The following CIC variants were observed in gnomAD, a reference collection of about 807,000 sequenced individuals.
The protein encoded by CIC is capicua transcriptional repressor, also known as protein capicua homolog.
Under a neutral mutation model 115.7 loss-of-function variants are expected in CIC, and 18 were observed. The observed-to-expected ratio is 0.16, with a 90% CI of 0.11 to 0.23. The LOEUF is 0.23. Among genes scored for constraint, CIC ranks in the 10% least tolerant of loss-of-function variants. CIC has a pLI of 1.00. For synonymous variants in CIC, 1,076 were observed against 923.0 expected (o/e 1.17, Z -3.01); for missense variants, 2,000 against 2,159.3 (o/e 0.93, Z 1.46).
At chr19:42,288,352 G>A (rs1167595296) in intron 7 of CIC, among the ~76,000 whole-genome samples, 1 of 152,206 alleles carries the variant, frequency 6.6e-6, no homozygotes, top group Non-Finnish European at 1.5e-5. Flanking sequence ...GAGCCAGAAT[G>A]TAAACCCCAG....
intron 2 of CIC, 110 bp from the exon 3 acceptor site, chr19:42,286,661 G>T (rs1599888851): frequency 2.9e-6 from 4 of 1,392,660 alleles, no homozygotes; most frequent in Middle Eastern, 2.4e-4. Flanking sequence ...TGTTGGGGGT[G>T]GGGGGTAGAC....
At position 42,292,711 on chromosome 19, in the gene CIC, C is replaced by T. The variant is rs1277218362; in HGVS notation, c.6048C>T (p.Pro2016=). 6.2e-7 allele frequency: 1 copy of T among 1,613,780 alleles called. No individual in the cohort carries two copies. Among genetic ancestry groups the T allele is most frequent in the East Asian group, 2.2e-5 (1 of 44,876 alleles). Residue 2016 remains proline (P), a synonymous_variant, in exon 15 of 21, where the codon CCC becomes CCT. Coordinates refer to ENST00000681038, the MANE Select transcript of CIC (RefSeq NM_001386298.1). ...SGSPAPTSSA[P]LAQPSQAPPS... ...GCCCTGCACCCACCTCCTCAGCACC[C>T]CTGGCCCAGCCATCCCAGGCCCCCC... is the stretch of plus-strand genomic sequence containing the variant.
In CIC at chr19:42,280,396, G is replaced by T. The variant is rs1393966423; in HGVS notation, c.2794+5819G>T. The stretch of plus-strand genomic sequence containing the variant: ...AGAAGCGGACTGGCACCCAGCGAGG[G>T]CCGCGCCCAGCCCCCGCTGGCACCT... On this transcript the variant is annotated intron_variant, in intron 2 of 20. Transcript: ENST00000681038. The surrounding 1 kb of genome is among the most constrained non-coding windows in gnomAD (Gnocchi z 4.9). Among the ~76,000 whole-genome samples the T allele has an allele frequency of 1.3e-5, 2 of 152,104 alleles. No individual in the cohort carries two copies. Among genetic ancestry groups the T allele is most frequent in the African/African-American group, 4.8e-5 (2 of 41,430 alleles).
Position 42,277,633 on chromosome 19 carries a change from G to A in CIC, c.2794+3056G>A, listed in dbSNP as rs4803530. ...AACAATAATACCTACTCTACTGAGC[G>A]AAGACTGTGTGCCTAACCCCGGGCT... is the stretch of plus-strand genomic sequence containing the variant. On this transcript the variant is annotated intron_variant, in intron 2 of 20. Coordinates refer to ENST00000681038, the MANE Select transcript of CIC (RefSeq NM_001386298.1). Among the ~76,000 whole-genome samples the A allele has an allele frequency of 6.6e-3, 1,000 of 152,338 alleles. 5 individuals are homozygous for A. The highest frequency in any genetic ancestry group is 0.01 in the Non-Finnish European group (681 of 68,032).
chr19:42,293,104 G>T lies in CIC; in HGVS notation c.6345G>T (p.Gln2115His), dbSNP rs1406931237. The change falls in exon 16 of 21, where the codon CAG (glutamine) becomes CAT (histidine). Residue 2115 changes from glutamine to histidine, a missense_variant. By Grantham distance (24) the Gln-to-His change is conservative (BLOSUM62 0). Transcript: ENST00000681038. ...ASGRPGPAPR[Q>H]PLEPGPVREP... ...GGCGGCCTGGCCCTGCACCCCGGCA[G>T]CCTCTGGAGCCTGGCCCAGTCCGAG... The T allele has an allele frequency of 6.2e-7, 1 of 1,609,472 alleles. No individual in the cohort carries two copies. Among genetic ancestry groups the T allele is most frequent in the African/African-American group, 1.3e-5 (1 of 75,004 alleles).
chr19:42,290,048 C>T, intron 10 of CIC, 97 bp downstream of exon 10: 1 of 1,389,998 alleles, frequency 7.2e-7, no homozygotes, highest in South Asian at 1.2e-5. Flanking sequence ...AGATTAAGGT[C>T]CAGAGAGGGC....
chr19:42,285,502 A>T (rs184531955), intron 2 of CIC, among the ~76,000 whole-genome samples: 3 of 152,090 alleles, frequency 2.0e-5, no homozygotes, highest in Non-Finnish European at 4.4e-5. Context: ...CCTGAGGTCT[A>T]CTTTTTCCTT....
chr19:42,291,728 G>A lies in CIC; in HGVS notation c.5596G>A (p.Ala1866Thr). Residue 1866 changes from alanine to threonine, a missense_variant, in exon 12 of 21, where the codon GCC (alanine) becomes ACC (threonine). Physicochemically the swap from Ala to Thr is moderately conservative, Grantham distance 58. This residue lies in a region of CIC where 1,466 missense variants were observed against 1,390.4 expected (regional missense o/e 1.05). Transcript: ENST00000681038. ...CTTCTCAGTACCTGTGCAGAATGGT[G>A]CCCAGCCCCCCAGCAAGGTGAGGGC... ...PPFSVPVQNG[A>T]QPPSKIIQLT... The A allele has an allele frequency of 6.2e-7, 1 of 1,613,008 alleles. No individual in the cohort carries two copies. The highest frequency in any genetic ancestry group is 8.5e-7 in the Non-Finnish European group (1 of 1,180,006).
chr19:42,289,434 C>T (rs2037910316), intron 9 of CIC, 28 bp downstream of exon 9: 1 of 1,553,786 alleles, frequency 6.4e-7, no homozygotes, highest in African/African-American at 1.4e-5. Flanking sequence ...CAGAATCTTG[C>T]CCAGGACCCA....
rs2038071209 is a variant in CIC, at chr19:42,291,183, A to G, written c.5142A>G (p.Pro1714=). 5.6e-6 allele frequency: 9 copies of G among 1,609,740 alleles called. No individual in the cohort carries two copies. Among genetic ancestry groups the G allele is most frequent in the Non-Finnish European group, 7.6e-6 (9 of 1,178,026 alleles). Residue 1714 remains proline, a synonymous_variant, in exon 11 of 21, where the codon CCA becomes CCG. Coordinates refer to ENST00000681038, the MANE Select transcript of CIC (RefSeq NM_001386298.1). ...GTGCTGGGAGTGGCCCCAATGGGCC[A>G]GTACCCCTGGGCATCCTGCAACCAG... ...GAGAGSGPNG[P]VPLGILQPGA...
Position 42,271,938 on chromosome 19 carries a change from C to G in CIC, c.155C>G (p.Pro52Arg), listed in dbSNP as rs2147006614. The change falls in exon 2 of 21, where the codon CCA (proline) becomes CGA (arginine). Residue 52 changes from proline to arginine, a missense_variant. By Grantham distance (103) the Pro-to-Arg change is moderately radical (BLOSUM62 -2). Around this residue, in one of 8 missense-constraint regions of CIC, gnomAD observed 222 missense variants for 247.7 expected, o/e 0.90. Coordinates refer to ENST00000681038, the MANE Select transcript of CIC (RefSeq NM_001386298.1). ...GATGACGAGGCACAGCAGCCGCAAC[C>G]ACAGTCCGGGCCCGAAGAGGCTGAG... ...EEDDEAQQPQ[P>R]QSGPEEAEEG... is the part of the protein sequence containing the mutation. 2.5e-6 allele frequency: 1 copy of G among 399,436 alleles called. No homozygotes were observed. 24.7% of individuals were successfully genotyped at this position (399,436 alleles called of 1,614,324 possible). A position where few individuals can be genotyped will look rare whatever the true frequency, so the allele number is the denominator to read the frequency against.
At position 42,292,435 on chromosome 19, in the gene CIC, C is replaced by T. The variant is rs768740940; in HGVS notation, c.5871C>T (p.Ser1957=). 2.7e-5 allele frequency: 44 copies of T among 1,610,958 alleles called. No homozygotes were observed. In the Admixed American group the frequency reaches 3.8e-4, roughly 14 times the overall value. ...VALGFTSLGP[S]GPAFVQPLLS... ...TAGGCTTCACCTCGCTGGGGCCCAGCGGCCCCGCCTTCGTGCAGCCCCTGC... is the reference window on the plus strand; with the variant it reads ...TAGGCTTCACCTCGCTGGGGCCCAGTGGCCCCGCCTTCGTGCAGCCCCTGC... The change falls in exon 14 of 21, where the codon AGC becomes AGT. Residue 1957 remains serine, a synonymous_variant. Transcript: ENST00000681038.
At chr19:42,278,012 C>A (rs1249445874) in intron 2 of CIC, among the ~76,000 whole-genome samples, 2 of 152,378 alleles carry the variant, frequency 1.3e-5, no homozygotes, top group East Asian at 3.9e-4. Flanking sequence ...CTTCTGCTGG[C>A]CCATGCCAGG....
At chr19:42,274,727 CAT>C (rs2036904107) in intron 2 of CIC, 150 bp downstream of exon 2, 1 of 397,530 alleles carries the variant, frequency 2.5e-6, no homozygotes. Context: ...TTGGAATTCA[CAT>C]GTCAGGAAAG....
In CIC at chr19:42,295,243, A is replaced by T; in HGVS notation, c.*52A>T. On this transcript the variant is annotated 3_prime_UTR_variant, in exon 21 of 21. Coordinates refer to ENST00000681038, the MANE Select transcript of CIC (RefSeq NM_001386298.1). ...TATAGTACCCCCTCAGGACATGGAC[A>T]GTATGTGGGGGCAGGAAGGTTATCT... 1 of 1,488,020 alleles carries T rather than the reference A, an allele frequency of 6.7e-7. No individual in the cohort carries two copies. The highest frequency in any genetic ancestry group is 1.2e-5 in the South Asian group (1 of 82,384). The allele number at this position is 1,488,020 out of a possible 1,614,324, so 92.2% of individuals were successfully genotyped here. A position where few individuals can be genotyped will look rare whatever the true frequency, so the allele number is the denominator to read the frequency against.
Position 42,282,895 on chromosome 19 carries a change from T to C in CIC, c.2795-3876T>C, listed in dbSNP as rs543540504. On this transcript the variant is annotated intron_variant, in intron 2 of 20. Coordinates refer to ENST00000681038, the MANE Select transcript of CIC (RefSeq NM_001386298.1). ...TTTTTTCTGGGAGGGGGGGCGGGGT[T>C]AGTGGGTGGCTGGCAGAGCAGTGTG... 2.6e-5 allele frequency among the ~76,000 whole-genome samples: 4 copies of C among 151,698 alleles called. No individual in the cohort carries two copies. The East Asian group carries it at 7.8e-4, about 29-fold the overall frequency.
In CIC at chr19:42,291,956, G is replaced by A. The variant is rs2038153103; in HGVS notation, c.5614-130G>A. The A allele has an allele frequency of 2.8e-6, 4 of 1,417,524 alleles. No individual in the cohort carries two copies. The East Asian group carries it at 6.8e-5, about 24-fold the overall frequency. The allele number at this position is 1,417,524 out of a possible 1,614,324, so 87.8% of individuals were successfully genotyped here. On this transcript the variant is annotated intron_variant, in intron 12 of 20. Transcript: ENST00000681038. Reference sequence around the variant, plus strand: ...TGTCCCCACCTCTCACTGTCATCTTGCCCATCCTGTTCTCACCCCAAGTTC... The same window carrying A: ...TGTCCCCACCTCTCACTGTCATCTTACCCATCCTGTTCTCACCCCAAGTTC...
At chr19:42,284,627 G>A in intron 2 of CIC, 1 of 1,131,340 alleles carries the variant, frequency 8.8e-7, no homozygotes, top group Non-Finnish European at 1.2e-6. Context: ...GGCGACGGCC[G>A]AGGAGCGGGC....
In CIC at chr19:42,290,796, G is replaced by T. The variant is rs1468293876; in HGVS notation, c.4755G>T (p.Val1585=). 6.2e-7 allele frequency: 1 copy of T among 1,610,200 alleles called. No individual in the cohort carries two copies. Among genetic ancestry groups the T allele is most frequent in the Non-Finnish European group, 8.5e-7 (1 of 1,178,600 alleles). The stretch of plus-strand genomic sequence containing the variant: ...CCGCCACCATGGTCACCAATGTGGT[G>T]CGGCCTGTCAGCAGCACTCCTGTGC... The part of the protein sequence containing the change: ...RPAATMVTNV[V]RPVSSTPVPI... Residue 1585 remains valine (V), a synonymous_variant, in exon 11 of 21, where the codon GTG becomes GTT. Coordinates refer to ENST00000681038, the MANE Select transcript of CIC (RefSeq NM_001386298.1).
Sources: gnomAD v4.1 joint callset for allele counts (sites outside exome capture counted in the v4.1 genomes callset) on GRCh38, gnomAD v4.1.1 for gene constraint, gnomAD v4.1.1 regional missense constraint, Gnocchi (gnomAD v3.1) non-coding constraint, MANE v1.5 for transcripts, NCBI Gene and HGNC (gene_info 2026-07-23, HGNC 2026-07-21) for gene names.